Variants in OR13A1 observed in about 807,000 individuals in gnomAD.
OR13A1 encodes the protein olfactory receptor family 13 subfamily A member 1, also known as olfactory receptor 13A1.
Under a neutral mutation model 7.5 loss-of-function variants are expected in OR13A1, and 10 were observed. The ratio of observed to expected loss-of-function variants is 1.34; its 90% CI spans 0.83 to 2.27. The LOEUF (loss-of-function observed/expected upper bound fraction) is 2.27, where lower values mean the gene tolerates loss of function less well. OR13A1 is among the 30% of genes most tolerant of loss of function. The pLI is 0.00. For synonymous variants in OR13A1, 238 were observed against 177.9 expected, an observed-to-expected ratio of 1.34 and a Z score of -2.69; for missense variants, 509 against 419.1, an observed-to-expected ratio of 1.21 and a Z score of -1.87.
rs370358011 is a variant in OR13A1 at position 45,304,463 on chromosome 10, G to A, written c.-12-29C>T. 3.1e-5 allele frequency: 48 copies of A among 1,570,490 alleles called. No individual in the cohort carries two copies. In the African/African-American group the frequency reaches 4.7e-4, roughly 16 times the overall value. ...GAGAGATAAACAAGAGGTGTCCTGA[G>A]GAAGGCTGCTCCCGTGTTTCTTCCA... is the stretch of plus-strand genomic sequence containing the variant. On this transcript the variant is annotated intron_variant, in intron 3 of 3. Coordinates refer to ENST00000553795, the MANE Select transcript of OR13A1 (RefSeq NM_001004297.3).
intron 3 of OR13A1, among the ~76,000 whole-genome samples, chr10:45,305,498 A>T (rs1024045329): frequency 2.0e-5 from 3 of 152,210 alleles, no homozygotes. Context: ...TGTATTTTCT[A>T]CTTTTTCTAT....
rs1308157127 is a variant in OR13A1 at position 45,303,572 on chromosome 10, T to C, written c.851A>G (p.Tyr284Cys). ...AGCCAACTTGCTCTTCCCTGCGCTGTAGCCAGAGACCGGGCTTATGTAGGC... is the reference window on the plus strand; with the variant it reads ...AGCCAACTTGCTCTTCCCTGCGCTGCAGCCAGAGACCGGGCTTATGTAGGC... ...FYAYISPVSG[Y>C]SAGKSKLAGL... Residue 284 changes from tyrosine to cysteine, a missense_variant, in exon 4 of 4, where the codon TAC (tyrosine) becomes TGC (cysteine). Physicochemically the swap from Tyr to Cys is radical, Grantham distance 194. Coordinates refer to ENST00000553795, the MANE Select transcript of OR13A1 (RefSeq NM_001004297.3). 3 of 1,614,122 alleles carry C rather than the reference T, an allele frequency of 1.9e-6. No individual in the cohort carries two copies. Among genetic ancestry groups the C allele is most frequent in the Non-Finnish European group, 2.5e-6 (3 of 1,180,042 alleles).
At chr10:45,315,333 A>G (rs945863253) in intron 1 of OR13A1, among the ~76,000 whole-genome samples, 191 bp downstream of exon 1, 3 of 152,304 alleles carry the variant, frequency 2.0e-5, no homozygotes, top group African/African-American at 4.8e-5. Flanking sequence ...GAATAATACA[A>G]CATGCAAAAA....
chr10:45,311,763 A>ATGT (rs112608205), intron 1 of OR13A1, among the ~76,000 whole-genome samples: 28,233 of 151,902 alleles, frequency 0.19, 3,966 homozygotes, highest in African/African-American at 0.39. Flanking sequence ...ATGAAATAAT[A>ATGT]AACAAACTCC....
intron 3 of OR13A1, among the ~76,000 whole-genome samples, chr10:45,305,918 C>T (rs764759892): frequency 2.0e-5 from 3 of 152,170 alleles, no homozygotes; most frequent in Non-Finnish European, 4.4e-5. Context: ...TGGACTGTGC[C>T]CTAAAAGATT....
intron 1 of OR13A1, among the ~76,000 whole-genome samples, chr10:45,308,021 A>G (rs146175458): frequency 1.3e-5 from 2 of 152,340 alleles, no homozygotes; most frequent in East Asian, 3.9e-4. Flanking sequence ...AATTTAAAAG[A>G]TTTAATTAAT....
At chr10:45,307,008 G>A (rs1838344894) in intron 3 of OR13A1, among the ~76,000 whole-genome samples, 1 of 152,182 alleles carries the variant, frequency 6.6e-6, no homozygotes, top group Non-Finnish European at 1.5e-5. Context: ...GACAGAATTG[G>A]ATTTTCTCCA....
chr10:45,304,101 T>A lies in OR13A1; in HGVS notation c.322A>T (p.Ser108Cys). Residue 108 changes from serine (S) to cysteine (C), a missense_variant, in exon 4 of 4, where the codon AGC becomes TGC. By Grantham distance (112) the Ser-to-Cys change is moderately radical. Coordinates refer to ENST00000553795, the MANE Select transcript of OR13A1 (RefSeq NM_001004297.3). ...ATGCAGCCCCCGTAGGAGATGGAGC[T>A]CTCTTCCGACACCAGACTGGCCAGC... ...KALASLVSEE[S>C]SISYGGCMAQ... is the part of the protein sequence containing the mutation. The A allele has an allele frequency of 5.6e-6, 9 of 1,614,036 alleles. No individual in the cohort carries two copies. The highest frequency in any genetic ancestry group is 7.6e-6 in the Non-Finnish European group (9 of 1,179,988).
In OR13A1 at chr10:45,303,810, G is replaced by C. The variant is rs777625129; in HGVS notation, c.613C>G (p.Leu205Val). The C allele has an allele frequency of 1.3e-5, 21 of 1,613,450 alleles. 1 individual carries two copies. In the East Asian group the frequency reaches 4.5e-4, roughly 34 times the overall value. Residue 205 changes from leucine (L) to valine (V), a missense_variant, in exon 4 of 4, where the codon CTC (leucine) becomes GTC (valine). Transcript: ENST00000553795. ...TTGACGTAGGTGGAGCTGCAGGAGA[G>C]AAGCAGCAGGGGAGGGACCTCGCAG... The part of the protein sequence containing the change: ...FFCEVPPLLL[L>V]SCSSTYVNGV...
chr10:45,305,485 G>T (rs747106816), intron 3 of OR13A1, among the ~76,000 whole-genome samples: 2 of 152,160 alleles, frequency 1.3e-5, no homozygotes, highest in South Asian at 2.1e-4. Context: ...ATTTTTGCTG[G>T]TCTGTATTTT....
In OR13A1 at chr10:45,303,947, C is replaced by T. The variant is rs1838267854; in HGVS notation, c.476G>A (p.Cys159Tyr). The change falls in exon 4 of 4, where the codon TGC becomes TAC. Residue 159 changes from cysteine to tyrosine, a missense_variant. Coordinates refer to ENST00000553795, the MANE Select transcript of OR13A1 (RefSeq NM_001004297.3). ...CCACACGGCTGTGGCCAGCCCGCTG[C>T]AGAACACCTTGCTCATCATGCTGCT... ...HYSSMMSKVF[C>Y]SGLATAVWLL... 2 of 1,613,596 alleles carry T rather than the reference C, an allele frequency of 1.2e-6. No individual in the cohort carries two copies. Among genetic ancestry groups the T allele is most frequent in the African/African-American group, 2.7e-5 (2 of 74,948 alleles).
intron 1 of OR13A1, among the ~76,000 whole-genome samples, chr10:45,312,639 G>C (rs536806309): frequency 1.3e-5 from 2 of 151,876 alleles, no homozygotes; most frequent in Non-Finnish European, 1.5e-5. Context: ...ACTCTCAAAA[G>C]TCAAAGACAA....
Position 45,303,272 on chromosome 10 carries a change from C to T in OR13A1, c.*164G>A, listed in dbSNP as rs1473901535. On this transcript the variant is annotated 3_prime_UTR_variant, in exon 4 of 4. Coordinates refer to ENST00000553795, the MANE Select transcript of OR13A1 (RefSeq NM_001004297.3). ...GCTGGTGGGTCACACCTACCGCAAT[C>T]CCCCCATCACCAAGTCTCAGGGAAC... The T allele has an allele frequency of 1.4e-6, 1 of 720,532 alleles. No homozygotes were observed. Among genetic ancestry groups the T allele is most frequent in the Non-Finnish European group, 2.3e-6 (1 of 433,282 alleles). 44.6% of individuals were successfully genotyped at this position (720,532 alleles called of 1,614,324 possible).
Position 45,302,956 on chromosome 10 carries a change from G to A in OR13A1, c.*480C>T, listed in dbSNP as rs1364442436. 1 of 154,394 alleles carries A rather than the reference G, an allele frequency of 6.5e-6. No individual in the cohort carries two copies. The highest frequency in any genetic ancestry group is 6.5e-5 in the Admixed American group (1 of 15,378). 9.6% of individuals were successfully genotyped at this position (154,394 alleles called of 1,614,324 possible). On this transcript the variant is annotated 3_prime_UTR_variant, in exon 4 of 4. Coordinates refer to ENST00000553795, the MANE Select transcript of OR13A1 (RefSeq NM_001004297.3). The stretch of plus-strand genomic sequence containing the variant: ...CAGTTGAGGTAAGATAATGGGGGTA[G>A]AAGGTTTCCTAGAGGCCAGTGGTCA...
rs141437124 is a variant in OR13A1, at chr10:45,304,280, C to G, written c.143G>C (p.Cys48Ser). 1.7e-3 allele frequency: 2,740 copies of G among 1,614,142 alleles called. 69 individuals are homozygous for G. The Admixed American group carries it at 0.041, about 24-fold the overall frequency. ...GGCCCCAGAGTAGAGGAAGAGGAAA[C>G]AGCTGAATAAGAACACCCGGTATTC... ...HPEYRVFLFS[C>S]FLFLYSGALT... Residue 48 changes from cysteine (C) to serine (S), a missense_variant, in exon 4 of 4, where the codon TGT becomes TCT. Transcript: ENST00000553795.
chr10:45,312,351 T>A, intron 1 of OR13A1, among the ~76,000 whole-genome samples: 1 of 150,486 alleles, frequency 6.6e-6, no homozygotes, highest in South Asian at 2.1e-4. Context: ...ACAGGCAGAG[T>A]AAAAAGGCAC....
In OR13A1 at chr10:45,304,010, T is replaced by C. The variant is rs192405227; in HGVS notation, c.413A>G (p.Tyr138Cys). 2.3e-4 allele frequency: 372 copies of C among 1,612,996 alleles called. 1 individual carries two copies. Among genetic ancestry groups the C allele is most frequent in the Admixed American group, 3.3e-5 (2 of 59,934 alleles). ...SELLLLTVMA[Y>C]DRYAAICHPL... ...GTGGCAGATGGCTGCGTACCGGTCA[T>C]AGGCCATGACCGTGAGGAGCAGCAG... is the stretch of plus-strand genomic sequence containing the variant. Residue 138 changes from tyrosine (Y) to cysteine (C), a missense_variant, in exon 4 of 4, where the codon TAT becomes TGT. Coordinates refer to ENST00000553795, the MANE Select transcript of OR13A1 (RefSeq NM_001004297.3).
intron 1 of OR13A1, among the ~76,000 whole-genome samples, chr10:45,308,187 T>C (rs1838374842): frequency 6.6e-6 from 1 of 152,244 alleles, no homozygotes; most frequent in South Asian, 2.1e-4. Flanking sequence ...AATCAGAACA[T>C]GCCAGAATCG....
intron 1 of OR13A1, among the ~76,000 whole-genome samples, chr10:45,313,442 TA>T (rs1838476213): frequency 6.6e-6 from 1 of 151,960 alleles, no homozygotes; most frequent in East Asian, 1.9e-4. Flanking sequence ...TATCAGTAAT[TA>T]CTTTAAATGT....
Sources: gnomAD v4.1 joint callset for allele counts (sites outside exome capture counted in the v4.1 genomes callset) on GRCh38, gnomAD v4.1.1 for gene constraint, MANE v1.5 for transcripts, NCBI Gene and HGNC (gene_info 2026-07-23, HGNC 2026-07-21) for gene names.